Variants in COL24A1 observed in about 807,000 individuals in gnomAD.
COL24A1 encodes the protein collagen alpha-1(XXIV) chain.
A neutral mutation model predicts 253.9 loss-of-function variants in COL24A1; 224 were observed. The ratio of observed to expected loss-of-function variants is 0.88; its 90% CI spans 0.79 to 0.99. COL24A1 has a LOEUF of 0.99. COL24A1 is among the 50% of genes least tolerant of loss of function. The probability of loss-of-function intolerance (pLI) is 0.00; values close to 1 mark genes in which losing one functional copy is unlikely to be tolerated. For synonymous variants in COL24A1, 685 were observed against 673.7 expected (o/e 1.02, Z -0.26); for missense variants, 2,131 against 2,068.5 (o/e 1.03, Z -0.59).
At chr1:85,914,673 A>T (rs1685719346) in intron 24 of COL24A1, among the ~76,000 whole-genome samples, 1 of 152,130 alleles carries the variant, frequency 6.6e-6, no homozygotes, top group Non-Finnish European at 1.5e-5. Flanking sequence ...TTACAGGTGT[A>T]AGCCACTGCT....
chr1:86,035,194 T>C (rs747342272), intron 12 of COL24A1, among the ~76,000 whole-genome samples: 4 of 152,170 alleles, frequency 2.6e-5, no homozygotes, highest in Non-Finnish European at 2.9e-5. Context: ...TAGTCAAATA[T>C]ATTGTAGCCA....
rs1420802366 is a variant in COL24A1, at chr1:85,938,609, C to T, written c.2562+22640G>A. Among the ~76,000 whole-genome samples the T allele has an allele frequency of 1.4e-5, 2 of 145,640 alleles. 1 individual carries two copies. The highest frequency in any genetic ancestry group is 4.4e-4 in the East Asian group (2 of 4,564). On this transcript the variant is annotated intron_variant, in intron 24 of 59. Transcript: ENST00000370571. The stretch of plus-strand genomic sequence containing the variant: ...CACTAGAATCCTAGGACAGCATCTC[C>T]CTAAAAGGATATGAAGAAGTAGATC...
intron 24 of COL24A1, among the ~76,000 whole-genome samples, chr1:85,937,567 C>T (rs1047303384): frequency 1.0e-4 from 15 of 147,660 alleles, no homozygotes; most frequent in African/African-American, 3.2e-4. Context: ...AAGCCTTGAT[C>T]ATCAGTCACT....
At chr1:85,858,929 G>A (rs1045370459) in intron 37 of COL24A1, among the ~76,000 whole-genome samples, 10 of 151,820 alleles carry the variant, frequency 6.6e-5, no homozygotes, top group South Asian at 6.3e-4. Flanking sequence ...GTAGCGATGG[G>A]GGTTCTTTAT....
At chr1:85,898,440 C>T (rs1206340281) in intron 28 of COL24A1, among the ~76,000 whole-genome samples, 1 of 152,166 alleles carries the variant, frequency 6.6e-6, no homozygotes, top group Non-Finnish European at 1.5e-5. Flanking sequence ...CTCCACTGAT[C>T]CTGATAAAGC....
At chr1:85,776,952 C>T (rs6677591) in intron 52 of COL24A1, among the ~76,000 whole-genome samples, 112,351 of 150,628 alleles carry the variant, frequency 0.75, 42,572 homozygotes, top group Non-Finnish European at 0.82. Flanking sequence ...TATTTATTTA[C>T]TTATTTTTTT....
At chr1:86,001,951 C>T (rs867407097) in intron 19 of COL24A1, among the ~76,000 whole-genome samples, 5 of 152,162 alleles carry the variant, frequency 3.3e-5, no homozygotes, top group Admixed American at 6.5e-5. Flanking sequence ...GGCTTTGACA[C>T]GGAATGATAA....
chr1:85,806,419 C>A (rs1671973098), intron 47 of COL24A1, among the ~76,000 whole-genome samples: 1 of 152,086 alleles, frequency 6.6e-6, no homozygotes, highest in Non-Finnish European at 1.5e-5. Context: ...TGTAAAAGGG[C>A]CAGACAGTAA....
Position 85,970,274 on chromosome 1 carries a change from T to TTA in COL24A1, c.2419-4_2419-3insTA. On this transcript the variant is annotated splice_polypyrimidine_tract_variant and splice_region_variant and intron_variant, in intron 21 of 59. Transcript: ENST00000370571. ...GCTCCAATTGGTCCTTCTTCTCCCT[T>TTA]AAAAAAAAAAAAAGTCAGAACATAT... 2 of 1,349,788 alleles carry TTA rather than the reference T, an allele frequency of 1.5e-6. No homozygotes were observed. The highest frequency in any genetic ancestry group is 1.5e-5 in the African/African-American group (1 of 65,136). 83.6% of individuals were successfully genotyped at this position (1,349,788 alleles called of 1,614,324 possible). A position where few individuals can be genotyped will look rare whatever the true frequency, so the allele number is the denominator to read the frequency against.
At chr1:86,005,161 C>T (rs1231778417) in intron 19 of COL24A1, among the ~76,000 whole-genome samples, 1 of 152,142 alleles carries the variant, frequency 6.6e-6, no homozygotes, top group Non-Finnish European at 1.5e-5. Flanking sequence ...ACAGTTCATC[C>T]TATTAACACA....
intron 19 of COL24A1, among the ~76,000 whole-genome samples, chr1:86,010,383 C>T: frequency 6.6e-6 from 1 of 151,910 alleles, no homozygotes; most frequent in East Asian, 1.9e-4. Flanking sequence ...TGACCAAATA[C>T]CTAGTAGAAA....
intron 57 of COL24A1, among the ~76,000 whole-genome samples, chr1:85,742,037 T>C (rs1000512476): frequency 1.3e-5 from 2 of 152,194 alleles, no homozygotes; most frequent in African/African-American, 4.8e-5. Flanking sequence ...ATCTCAGTGA[T>C]AGCTGCTTCT....
chr1:86,072,458 A>C (rs979177171), intron 7 of COL24A1, among the ~76,000 whole-genome samples: 2 of 152,158 alleles, frequency 1.3e-5, no homozygotes, highest in Admixed American at 6.5e-5. Context: ...CTCTCTGCGC[A>C]GGGCATCTCT....
At chr1:85,764,451 A>T in intron 53 of COL24A1, among the ~76,000 whole-genome samples, 1 of 129,726 alleles carries the variant, frequency 7.7e-6, no homozygotes, top group Non-Finnish European at 1.6e-5. Flanking sequence ...ATCTAGGTGG[A>T]GGATACACAC....
intron 43 of COL24A1, among the ~76,000 whole-genome samples, chr1:85,838,023 T>C (rs908440550): frequency 1.3e-5 from 2 of 152,070 alleles, no homozygotes; most frequent in African/African-American, 4.8e-5. Context: ...TCAGATAATG[T>C]CCCTCTCAGG....
chr1:86,032,863 T>C (rs1289479689), intron 13 of COL24A1, among the ~76,000 whole-genome samples: 1 of 152,136 alleles, frequency 6.6e-6, no homozygotes, highest in East Asian at 1.9e-4. Context: ...ACAGACTTCA[T>C]GGATAGTAAC....
At chr1:85,891,800 T>G (rs116689544) in intron 31 of COL24A1, among the ~76,000 whole-genome samples, 2,319 of 152,332 alleles carry the variant, frequency 0.015, 50 homozygotes, top group African/African-American at 0.053. Flanking sequence ...TATCATGTAC[T>G]TTTAATGCTG....
Position 86,066,738 on chromosome 1 carries a change from T to C in COL24A1, c.1708-2979A>G, listed in dbSNP as rs74778573. Among the ~76,000 whole-genome samples, 373 of 152,348 alleles carry C rather than the reference T, an allele frequency of 2.4e-3. 10 individuals carry two copies. In the East Asian group the frequency reaches 0.046, roughly 19 times the overall value. ...AAAATGACAGCATTCAATTAAATTATTGCTAATTTTTTATTGCTTAAATCC... is the reference window on the plus strand; with the variant it reads ...AAAATGACAGCATTCAATTAAATTACTGCTAATTTTTTATTGCTTAAATCC... On this transcript the variant is annotated intron_variant, in intron 7 of 59. Coordinates refer to ENST00000370571, the MANE Select transcript of COL24A1 (RefSeq NM_152890.7).
At chr1:86,029,145 C>T (rs491486) in intron 14 of COL24A1, among the ~76,000 whole-genome samples, 10 of 88,492 alleles carry the variant, frequency 1.1e-4, no homozygotes, top group Admixed American at 2.6e-4. Flanking sequence ...ATTCTAAGTT[C>T]TCAGGAAAAA....
Sources: allele counts gnomAD v4.1 joint callset (sites outside exome capture counted in the v4.1 genomes callset), GRCh38; gene constraint gnomAD v4.1.1; transcripts MANE v1.5; gene names NCBI Gene and HGNC (gene_info 2026-07-23, HGNC 2026-07-21).